Variants in GPHN observed in about 807,000 individuals in gnomAD.
The protein encoded by GPHN is gephyrin.
Under a neutral mutation model 95.5 loss-of-function variants are expected in GPHN, and 17 were observed. The observed-to-expected ratio is 0.18, with a 90% CI of 0.12 to 0.27. The LOEUF is 0.27. Ranked by LOEUF, GPHN falls within the 10% of genes least tolerant of loss-of-function variation. The pLI is 1.00. For synonymous variants in GPHN, 320 were observed against 322.5 expected (o/e 0.99, Z 0.08); for missense variants, 660 against 978.1 (o/e 0.67, Z 4.34).
chr14:66,805,852 G>A (rs117544767), intron 3 of GPHN, among the ~76,000 whole-genome samples: 2,494 of 152,250 alleles, frequency 0.016, 25 homozygotes, highest in Middle Eastern at 0.048. Flanking sequence ...GCTTTTTCAG[G>A]CACACGGTAC....
At chr14:66,617,927 A>C (rs1324895712) in intron 1 of GPHN, among the ~76,000 whole-genome samples, 1 of 152,118 alleles carries the variant, frequency 6.6e-6, no homozygotes, top group Admixed American at 6.5e-5. Flanking sequence ...CTTTCACATA[A>C]GTGATTATGA....
chr14:66,739,601 A>G lies in GPHN; in HGVS notation c.144-36863A>G, dbSNP rs117857018. 8.4e-3 allele frequency among the ~76,000 whole-genome samples: 1,265 copies of G among 150,918 alleles called. 11 individuals are homozygous for G. Among genetic ancestry groups the G allele is most frequent in the Non-Finnish European group, 0.015 (988 of 67,894 alleles). ...GTATGAATTTAGTTTAAAGTAGTCT[A>G]TGATGGATAGTGCGTTCGGACAACT... On this transcript the variant is annotated intron_variant, in intron 2 of 22. Coordinates refer to ENST00000478722, the MANE Select transcript of GPHN (RefSeq NM_020806.5).
At chr14:66,964,414 A>G (rs2069171132) in intron 8 of GPHN, among the ~76,000 whole-genome samples, 1 of 152,202 alleles carries the variant, frequency 6.6e-6, no homozygotes, top group Non-Finnish European at 1.5e-5. Context: ...GTCAGATAGC[A>G]TGCTTAAATA....
At position 66,514,265 on chromosome 14, in the gene GPHN, A is replaced by G. The variant is rs571970644; in HGVS notation, c.64+5674A>G. Among the ~76,000 whole-genome samples, 11 of 152,176 alleles carry G rather than the reference A, an allele frequency of 7.2e-5. No individual in the cohort carries two copies. In the South Asian group the frequency reaches 1.7e-3, roughly 23 times the overall value. The stretch of plus-strand genomic sequence containing the variant: ...AATTAGAAACTTCAAAGAAATTTCA[A>G]GTGAGCCCATTATATTTCAAGTGAG... On this transcript the variant is annotated intron_variant, in intron 1 of 22. Coordinates refer to ENST00000478722, the MANE Select transcript of GPHN (RefSeq NM_020806.5).
chr14:67,435,101 G>A, the GPHN span, among the ~76,000 whole-genome samples: 2 of 151,834 alleles, frequency 1.3e-5, no homozygotes, highest in Non-Finnish European at 2.9e-5. Context: ...TAAGTAGCTG[G>A]GATTATAGGC....
intron 2 of GPHN, among the ~76,000 whole-genome samples, chr14:66,714,037 G>A (rs2069925158): frequency 6.6e-6 from 1 of 152,124 alleles, no homozygotes; most frequent in African/African-American, 2.4e-5. Context: ...CCAAAGTGCT[G>A]GGATTACAGG....
At chr14:67,247,608 C>T in the GPHN span, among the ~76,000 whole-genome samples, 1 of 151,722 alleles carries the variant, frequency 6.6e-6, no homozygotes, top group Non-Finnish European at 1.5e-5. Context: ...AAGATAGGGT[C>T]TCACTCTATC....
At chr14:67,305,315 C>T in the GPHN span, among the ~76,000 whole-genome samples, 1 of 151,660 alleles carries the variant, frequency 6.6e-6, no homozygotes, top group African/African-American at 2.4e-5. Flanking sequence ...GGATCTGGCT[C>T]TATTATCCAG....
chr14:67,731,202 T>A, the GPHN span, among the ~76,000 whole-genome samples: 5 of 141,362 alleles, frequency 3.5e-5, no homozygotes, highest in African/African-American at 1.3e-4. Context: ...CATATTTCTT[T>A]CTTTCTTTTT....
intron 22 of GPHN, among the ~76,000 whole-genome samples, chr14:67,180,497 T>C (rs1277248865): frequency 2.0e-5 from 3 of 152,216 alleles, no homozygotes; most frequent in Non-Finnish European, 2.9e-5. Flanking sequence ...TTTTAAAGCC[T>C]CCCTTTTCAG....
At chr14:67,449,448 C>T in the GPHN span, among the ~76,000 whole-genome samples, 175 of 152,176 alleles carry the variant, frequency 1.1e-3, no homozygotes, top group African/African-American at 4.0e-3. Flanking sequence ...GATCCTTGAA[C>T]CCAAGGCTAG....
chr14:67,300,347 T>TTTTTTTTTTTTTTTTTG, the GPHN span, among the ~76,000 whole-genome samples: 1 of 151,598 alleles, frequency 6.6e-6, no homozygotes, highest in African/African-American at 2.4e-5. Flanking sequence ...TTTTTTTTTT[T>TTTTTTTTTTTTTTTTTG]GAGAAAGTCT....
intron 2 of GPHN, among the ~76,000 whole-genome samples, chr14:66,713,547 G>A (rs956643797): frequency 2.0e-5 from 3 of 152,068 alleles, no homozygotes; most frequent in African/African-American, 7.2e-5. Flanking sequence ...TTATAGTATA[G>A]TTTCAAATCA....
chr14:67,683,421 G>A, the GPHN span, among the ~76,000 whole-genome samples: 2 of 152,020 alleles, frequency 1.3e-5, no homozygotes, highest in Non-Finnish European at 2.9e-5. Flanking sequence ...CTACTTGCAT[G>A]CCTTATAGAT....
At chr14:67,471,436 G>A in the GPHN span, 1 of 152,400 alleles carries the variant, frequency 6.6e-6, no homozygotes, top group African/African-American at 2.4e-5. Flanking sequence ...CAATTGCCCA[G>A]AGAGAACGGG....
chr14:67,653,766 A>T, the GPHN span, among the ~76,000 whole-genome samples: 5 of 152,186 alleles, frequency 3.3e-5, no homozygotes, highest in Non-Finnish European at 7.4e-5. Context: ...TACCGTGGCT[A>T]CTCCAAAAGG....
At chr14:67,210,630 C>T in the GPHN span, among the ~76,000 whole-genome samples, 17 of 150,936 alleles carry the variant, frequency 1.1e-4, no homozygotes, top group Non-Finnish European at 2.2e-4. Context: ...ATTAAACTTT[C>T]GTTATATAAT....
At chr14:66,690,475 T>C (rs1475624972) in intron 2 of GPHN, among the ~76,000 whole-genome samples, 1 of 152,214 alleles carries the variant, frequency 6.6e-6, no homozygotes, top group Non-Finnish European at 1.5e-5. Context: ...GAATATTCCA[T>C]GTGCTGATGA....
chr14:67,092,418 C>T (rs1003211220), intron 12 of GPHN, among the ~76,000 whole-genome samples: 1 of 152,046 alleles, frequency 6.6e-6, no homozygotes, highest in African/African-American at 2.4e-5. Context: ...CTTGATTCTC[C>T]CTATTTTCTT....
Sources: allele counts gnomAD v4.1 joint callset (sites outside exome capture counted in the v4.1 genomes callset), GRCh38; gene constraint gnomAD v4.1.1; transcripts MANE v1.5; gene names NCBI Gene and HGNC (gene_info 2026-07-23, HGNC 2026-07-21).